NCAM1: variants seen among roughly 807,000 people sequenced by gnomAD.
NCAM1 encodes the protein antigen recognized by monoclonal antibody 5.1H11.
NCAM1 carries 14 observed loss-of-function variants against 109.8 expected under a neutral mutation model. The observed-to-expected ratio is 0.13, with a 90% CI of 0.08 to 0.20. The LOEUF is 0.20. NCAM1 is among the 10% of genes least tolerant of loss of function. The probability of loss-of-function intolerance (pLI) is 1.00; values close to 1 mark genes in which losing one functional copy is unlikely to be tolerated. For synonymous variants in NCAM1, 418 were observed against 442.9 expected (o/e 0.94, Z 0.70); for missense variants, 774 against 1,109.9 (o/e 0.70, Z 4.30).
intron 9 of NCAM1, among the ~76,000 whole-genome samples, chr11:113,224,720 C>T (rs1223324771): frequency 6.6e-6 from 1 of 152,216 alleles, no homozygotes; most frequent in Non-Finnish European, 1.5e-5. Context: ...GGCCAGGTAC[C>T]CCTCTGAGAC....
rs544234417 is a variant in NCAM1 at position 113,061,661 on chromosome 11, C to T, written c.52+99997C>T. ...ACATGGGACAAATACGTGGAACTCA[C>T]ATCCTGTCCCCCGTATGTGTAAAAC... On this transcript the variant is annotated intron_variant, in intron 1 of 19. Coordinates refer to ENST00000316851, the MANE Select transcript of NCAM1 (RefSeq NM_181351.5). Among the ~76,000 whole-genome samples, 33 of 152,368 alleles carry T rather than the reference C, an allele frequency of 2.2e-4. 1 individual carries two copies. The highest frequency in any genetic ancestry group is 7.7e-4 in the African/African-American group (32 of 41,592).
At chr11:112,991,691 C>T (rs567074632) in intron 1 of NCAM1, among the ~76,000 whole-genome samples, 2 of 152,204 alleles carry the variant, frequency 1.3e-5, no homozygotes, top group East Asian at 3.9e-4. Flanking sequence ...ATTTTACTCT[C>T]AACATTAGTG....
At chr11:113,253,685 G>T (rs922522507) in intron 15 of NCAM1, among the ~76,000 whole-genome samples, 1 of 152,158 alleles carries the variant, frequency 6.6e-6, no homozygotes, top group Non-Finnish European at 1.5e-5. Context: ...CCTAAAAGGG[G>T]GCCTTGGGAG....
At position 113,246,363 on chromosome 11, in the gene NCAM1, A is replaced by G. The variant is rs781938031; in HGVS notation, c.1826-5A>G. 1 of 742,710 alleles carries G rather than the reference A, an allele frequency of 1.3e-6. No individual in the cohort carries two copies. The highest frequency in any genetic ancestry group is 2.5e-6 in the Non-Finnish European group (1 of 406,036). The allele number at this position is 742,710 out of a possible 1,614,324, so 46.0% of individuals were successfully genotyped here. A position where few individuals can be genotyped will look rare whatever the true frequency, so the allele number is the denominator to read the frequency against. On this transcript the variant is annotated splice_polypyrimidine_tract_variant and splice_region_variant and intron_variant, in intron 14 of 19. Transcript: ENST00000316851. ...GCTGATGATGTCGTCCACGCTGGTGAACAGAAGGTAAAACTCTTTGTTCTG... is the reference window on the plus strand; with the variant it reads ...GCTGATGATGTCGTCCACGCTGGTGGACAGAAGGTAAAACTCTTTGTTCTG...
chr11:113,029,724 C>T (rs1555078013), intron 1 of NCAM1, among the ~76,000 whole-genome samples: 1 of 152,156 alleles, frequency 6.6e-6, no homozygotes, highest in Non-Finnish European at 1.5e-5. Context: ...ATAAGGCCTT[C>T]TGCTGAACTA....
chr11:113,013,039 C>A (rs7113596), intron 1 of NCAM1, among the ~76,000 whole-genome samples: 68,586 of 151,944 alleles, frequency 0.45, 16,359 homozygotes, highest in East Asian at 0.8. Context: ...ATAATGTTAA[C>A]AATTGATGAA....
intron 1 of NCAM1, among the ~76,000 whole-genome samples, chr11:112,980,761 G>A (rs541612276): frequency 1.3e-5 from 2 of 151,814 alleles, no homozygotes; most frequent in African/African-American, 2.4e-5. Flanking sequence ...CCCTATGAAG[G>A]TTTATTTTAA....
At chr11:113,200,236 G>A (rs547135586) in intron 1 of NCAM1, among the ~76,000 whole-genome samples, 5 of 152,172 alleles carry the variant, frequency 3.3e-5, no homozygotes, top group Admixed American at 2.0e-4. Flanking sequence ...TTAGGTGACC[G>A]TGGCATAGAC....
intron 1 of NCAM1, among the ~76,000 whole-genome samples, chr11:112,992,493 CT>C (rs1334463162): frequency 2.0e-5 from 3 of 146,700 alleles, no homozygotes; most frequent in East Asian, 2.0e-4. Context: ...ATCATGAACT[CT>C]TTTTTTTTCT....
At chr11:113,098,757 G>A (rs1162626631) in intron 1 of NCAM1, among the ~76,000 whole-genome samples, 2 of 152,166 alleles carry the variant, frequency 1.3e-5, no homozygotes, top group African/African-American at 4.8e-5. Flanking sequence ...CCTGAGATGA[G>A]GGGAGCACAG....
intron 1 of NCAM1, among the ~76,000 whole-genome samples, chr11:113,082,090 GC>G (rs1421038191): frequency 6.6e-6 from 1 of 152,128 alleles, no homozygotes; most frequent in Non-Finnish European, 1.5e-5. Flanking sequence ...AGCTGCAATT[GC>G]CTCTTTTTTT....
chr11:113,183,164 A>C (rs1251479080), intron 1 of NCAM1, among the ~76,000 whole-genome samples: 2 of 151,406 alleles, frequency 1.3e-5, no homozygotes, highest in African/African-American at 4.9e-5. Flanking sequence ...CCAGAACAAA[A>C]CCCCTGGTTT....
intron 1 of NCAM1, among the ~76,000 whole-genome samples, chr11:113,119,275 A>G (rs1555095556): frequency 6.6e-6 from 1 of 152,186 alleles, no homozygotes; most frequent in Non-Finnish European, 1.5e-5. Context: ...TGGGAGGGAA[A>G]ACTGCTTTCA....
intron 1 of NCAM1, among the ~76,000 whole-genome samples, chr11:113,043,301 T>A (rs1320265893): frequency 1.3e-5 from 2 of 152,176 alleles, no homozygotes; most frequent in Non-Finnish European, 2.9e-5. Flanking sequence ...CTGTCCCCTC[T>A]CCTGTGTCCC....
At chr11:112,973,141 T>G (rs1555067113) in intron 1 of NCAM1, among the ~76,000 whole-genome samples, 1 of 152,286 alleles carries the variant, frequency 6.6e-6, no homozygotes, top group East Asian at 1.9e-4. Context: ...TAAAAAATGT[T>G]TCTATAGCAA....
In NCAM1 at chr11:113,169,823, C is replaced by T. The variant is rs375125127; in HGVS notation, c.53-32556C>T. The stretch of plus-strand genomic sequence containing the variant: ...TGTACTTTTAGTAAAGACGGGGTTT[C>T]GCCATGTTGGTCAGGCTGGTCTCAA... On this transcript the variant is annotated intron_variant, in intron 1 of 19. Transcript: ENST00000316851. Among the ~76,000 whole-genome samples the T allele has an allele frequency of 3.9e-4, 59 of 152,102 alleles. 1 individual carries two copies. The Middle Eastern group carries it at 0.01, about 26-fold the overall frequency.
rs782360479 is a variant in NCAM1, at chr11:113,233,327, G to A, written c.1693+10G>A. 13 of 1,609,718 alleles carry A rather than the reference G, an allele frequency of 8.1e-6. No homozygotes were observed. The highest frequency in any genetic ancestry group is 1.1e-5 in the Non-Finnish European group (13 of 1,177,876). On this transcript the variant is annotated intron_variant, in intron 13 of 19. Transcript: ENST00000316851. The surrounding 1 kb of genome is among the most constrained non-coding windows in gnomAD (Gnocchi z 4.5). The stretch of plus-strand genomic sequence containing the variant: ...TATGATGCCAAGGAAGGTGAGTTGG[G>A]CGAGTTGGTGTTTCCATTGGGATCA...
Position 113,270,404 on chromosome 11 carries a change from A to T in NCAM1, c.2339+9A>T. On this transcript the variant is annotated intron_variant, in intron 18 of 19. Coordinates refer to ENST00000316851, the MANE Select transcript of NCAM1 (RefSeq NM_181351.5). ...GGCAAGGCCGCCTTCTCGTGAGTGC[A>T]GACCTGTCCACCTTGCTGAGGTTTG... 1 of 1,613,836 alleles carries T rather than the reference A, an allele frequency of 6.2e-7. No homozygotes were observed.
intron 1 of NCAM1, among the ~76,000 whole-genome samples, chr11:113,178,976 C>A (rs1201476434): frequency 2.0e-5 from 3 of 152,204 alleles, no homozygotes; most frequent in Non-Finnish European, 4.4e-5. Context: ...TCAGGCAGGA[C>A]AGTATTATGC....
Sources: allele counts gnomAD v4.1 joint callset (sites outside exome capture counted in the v4.1 genomes callset), GRCh38; gene constraint gnomAD v4.1.1; non-coding constraint Gnocchi (gnomAD v3.1); transcripts MANE v1.5; gene names NCBI Gene and HGNC (gene_info 2026-07-23, HGNC 2026-07-21).